SLAIN1: variants seen among roughly 807,000 people sequenced by gnomAD.
The protein encoded by SLAIN1 is SLAIN motif-containing protein 1.
SLAIN1 carries 17 observed loss-of-function variants against 55.4 expected under a neutral mutation model. That is an observed-to-expected ratio of 0.31 (90% CI 0.21 to 0.46). The LOEUF is 0.46. Ranked by LOEUF, SLAIN1 falls within the 20% of genes least tolerant of loss-of-function variation. The probability of loss-of-function intolerance (pLI) is 1.00; values close to 1 mark genes in which losing one functional copy is unlikely to be tolerated. For missense variants in SLAIN1, 682 were observed against 785.1 expected (o/e 0.87, Z 1.57); for synonymous variants, 348 against 337.4 (o/e 1.03, Z -0.35).
At chr13:77,729,462 C>T (rs985085861) in intron 2 of SLAIN1, among the ~76,000 whole-genome samples, 1 of 151,912 alleles carries the variant, frequency 6.6e-6, no homozygotes, top group Admixed American at 6.6e-5. Flanking sequence ...TTTCATACTA[C>T]TGTGACGGTT....
chr13:77,725,956 T>C (rs1266636815), intron 2 of SLAIN1, among the ~76,000 whole-genome samples: 3 of 152,240 alleles, frequency 2.0e-5, no homozygotes, highest in African/African-American at 7.2e-5. Context: ...TGTAACTTCT[T>C]GCAGGGCCCA....
intron 1 of SLAIN1, among the ~76,000 whole-genome samples, chr13:77,708,709 A>G (rs1668834164): frequency 6.6e-6 from 1 of 152,216 alleles, no homozygotes; most frequent in African/African-American, 2.4e-5. Flanking sequence ...AGAAAGGAAT[A>G]GCATCAGCAT....
Position 77,763,388 on chromosome 13 carries a change from T to C in SLAIN1, c.*168T>C. The stretch of plus-strand genomic sequence containing the variant: ...AGTCACCAGAGACTAATTATTGCAC[T>C]TAAATATTTGCCTGAGATACTGCAA... On this transcript the variant is annotated 3_prime_UTR_variant, in exon 7 of 7. Coordinates refer to ENST00000418532, the MANE Select transcript of SLAIN1 (RefSeq NM_001242868.2). The C allele has an allele frequency of 1.7e-6, 1 of 596,912 alleles. No homozygotes were observed. 37.0% of individuals were successfully genotyped at this position (596,912 alleles called of 1,614,324 possible).
intron 5 of SLAIN1, among the ~76,000 whole-genome samples, chr13:77,755,147 C>T (rs772608634): frequency 4.6e-5 from 7 of 151,820 alleles, no homozygotes; most frequent in Admixed American, 1.3e-4. Flanking sequence ...GATGAAACCC[C>T]GTCTCTACAA....
At chr13:77,744,698 G>T (rs758319862) in intron 3 of SLAIN1, among the ~76,000 whole-genome samples, 7 of 151,996 alleles carry the variant, frequency 4.6e-5, no homozygotes, top group Non-Finnish European at 7.4e-5. Context: ...AAAAACTAAA[G>T]GTGCAACTTC....
At chr13:77,715,214 G>A (rs924221419) in intron 1 of SLAIN1, among the ~76,000 whole-genome samples, 19 of 151,972 alleles carry the variant, frequency 1.3e-4, no homozygotes, top group Admixed American at 1.2e-3. Context: ...TGTTTGTTTT[G>A]GTCTGGCTTC....
chr13:77,699,275 G>T, intron 1 of SLAIN1: 2 of 335,788 alleles, frequency 6.0e-6, no homozygotes, highest in Non-Finnish European at 1.1e-5. Flanking sequence ...AGGAACCAAC[G>T]AACTGTCTTT....
chr13:77,738,956 G>A (rs3911155), intron 2 of SLAIN1, among the ~76,000 whole-genome samples: 8,387 of 152,094 alleles, frequency 0.055, 307 homozygotes, highest in South Asian at 0.11. Context: ...GTTTTCCACC[G>A]GTTAGTGTGC....
chr13:77,761,807 C>G (rs1400136202), intron 6 of SLAIN1, among the ~76,000 whole-genome samples: 1 of 151,784 alleles, frequency 6.6e-6, no homozygotes, highest in Admixed American at 6.6e-5. Flanking sequence ...ATGTTCCCTT[C>G]TTGAACTGGA....
intron 1 of SLAIN1, among the ~76,000 whole-genome samples, chr13:77,705,763 T>A (rs1318119899): frequency 6.6e-6 from 1 of 151,984 alleles, no homozygotes; most frequent in Admixed American, 6.6e-5. Context: ...AAAGATGACT[T>A]TAGAACCAAA....
intron 2 of SLAIN1, among the ~76,000 whole-genome samples, chr13:77,738,209 C>T (rs368173377): frequency 7.5e-6 from 1 of 133,174 alleles, no homozygotes; most frequent in African/African-American, 2.8e-5. Flanking sequence ...CACACACACA[C>T]ACATATACAC....
At position 77,738,217 on chromosome 13, in the gene SLAIN1, C is replaced by CGCAT; in HGVS notation, c.767-6066_767-6065insGCAT. On this transcript the variant is annotated intron_variant, in intron 2 of 6. Transcript: ENST00000418532. ...ACACCCACACACACACACACATATA[C>CGCAT]ACATACATATATACATATACATATA... 3.9e-5 allele frequency among the ~76,000 whole-genome samples: 2 copies of CGCAT among 51,824 alleles called. 1 individual carries two copies. Among genetic ancestry groups the CGCAT allele is most frequent in the South Asian group, 9.5e-4 (2 of 2,114 alleles). 34.0% of individuals were successfully genotyped at this position (51,824 alleles called of 152,430 possible). A position where few individuals can be genotyped will look rare whatever the true frequency, so the allele number is the denominator to read the frequency against.
At chr13:77,730,112 G>A (rs1029947482) in intron 2 of SLAIN1, among the ~76,000 whole-genome samples, 1 of 152,174 alleles carries the variant, frequency 6.6e-6, no homozygotes, top group Non-Finnish European at 1.5e-5. Context: ...ACGGCAGGCT[G>A]TTGTGGTTGG....
chr13:77,732,217 A>G (rs949724397), intron 2 of SLAIN1, among the ~76,000 whole-genome samples: 1 of 152,180 alleles, frequency 6.6e-6, no homozygotes, highest in African/African-American at 2.4e-5. Flanking sequence ...TCACTCTTCC[A>G]TTCAATAACT....
At chr13:77,739,334 A>T (rs746688023) in intron 2 of SLAIN1, among the ~76,000 whole-genome samples, 4 of 152,090 alleles carry the variant, frequency 2.6e-5, no homozygotes, top group Non-Finnish European at 5.9e-5. Flanking sequence ...GAGATAAGGA[A>T]ATATTAGTCA....
intron 2 of SLAIN1, among the ~76,000 whole-genome samples, chr13:77,727,252 C>T (rs889894670): frequency 6.6e-6 from 1 of 152,054 alleles, no homozygotes; most frequent in Non-Finnish European, 1.5e-5. Flanking sequence ...TTGTGAACTT[C>T]TTTTTATTTA....
At chr13:77,750,038 C>T (rs959616839) in intron 4 of SLAIN1, among the ~76,000 whole-genome samples, 1 of 152,118 alleles carries the variant, frequency 6.6e-6, no homozygotes, top group African/African-American at 2.4e-5. Context: ...ATTTTGTATG[C>T]AGATTATCAT....
At position 77,698,295 on chromosome 13, in the gene SLAIN1, C is replaced by A; in HGVS notation, c.382C>A (p.Leu128Met). Residue 128 changes from leucine to methionine, a missense_variant, in exon 1 of 7, where the codon CTG (leucine) becomes ATG (methionine). This residue lies in a region of SLAIN1 where 401 missense variants were observed against 417.3 expected (regional missense o/e 0.96). Transcript: ENST00000418532. This position sits in a 1 kb window ranked among gnomAD's most constrained non-coding sequence, Gnocchi z 4.1. ...SSPAFPGTFC[L>M]PSPAPSLLCS... ...CCCCGCGTTCCCGGGCACCTTCTGC[C>A]TGCCTAGCCCCGCGCCCTCCCTGCT... 7.0e-7 allele frequency: 1 copy of A among 1,434,548 alleles called. No individual in the cohort carries two copies. Among genetic ancestry groups the A allele is most frequent in the South Asian group, 1.4e-5 (1 of 74,010 alleles). The allele number at this position is 1,434,548 out of a possible 1,614,324, so 88.9% of individuals were successfully genotyped here. A position where few individuals can be genotyped will look rare whatever the true frequency, so the allele number is the denominator to read the frequency against.
At chr13:77,734,860 A>C (rs1377709007) in intron 2 of SLAIN1, among the ~76,000 whole-genome samples, 1 of 151,942 alleles carries the variant, frequency 6.6e-6, no homozygotes, top group Admixed American at 6.6e-5. Context: ...TCTCTACTAA[A>C]AATACATAAA....
Sources: allele counts gnomAD v4.1 joint callset (sites outside exome capture counted in the v4.1 genomes callset), GRCh38; gene constraint gnomAD v4.1.1; regional missense constraint gnomAD v4.1.1; non-coding constraint Gnocchi (gnomAD v3.1); transcripts MANE v1.5; gene names NCBI Gene and HGNC (gene_info 2026-07-23, HGNC 2026-07-21).